Variants in CASD1 observed in about 807,000 individuals in gnomAD.
The protein encoded by CASD1 is CAS1 domain sialic acid O acetyltransferase 1.
A neutral mutation model predicts 100.0 loss-of-function variants in CASD1; 41 were observed. The observed-to-expected ratio is 0.41, with a 90% confidence interval of 0.32 to 0.53. The LOEUF is 0.53. Among genes scored for constraint, CASD1 ranks in the 20% least tolerant of loss-of-function variants. The pLI, the probability that CASD1 is intolerant of heterozygous loss-of-function variation, is 0.25. For missense variants in CASD1, 774 were observed against 948.7 expected, an observed-to-expected ratio of 0.82 and a Z score of 2.42; for synonymous variants, 321 against 315.6, an observed-to-expected ratio of 1.02 and a Z score of -0.18.
At chr7:94,520,497 A>G (rs1229731668) in intron 3 of CASD1, among the ~76,000 whole-genome samples, 1 of 152,196 alleles carries the variant, frequency 6.6e-6, no homozygotes, top group Non-Finnish European at 1.5e-5. Flanking sequence ...GGGCAGAGCT[A>G]GATATCGTAT....
At chr7:94,601,571 A>C in the CASD1 span, among the ~76,000 whole-genome samples, 2 of 151,810 alleles carry the variant, frequency 1.3e-5, no homozygotes, top group East Asian at 1.9e-4. Context: ...ATTGAAGGAC[A>C]CTAAAAATAT....
At chr7:94,554,792 C>G (rs116778277) in intron 17 of CASD1, among the ~76,000 whole-genome samples, 4 of 152,138 alleles carry the variant, frequency 2.6e-5, no homozygotes, top group African/African-American at 7.2e-5. Context: ...TTTTAAATGA[C>G]TAGATATAGA....
At chr7:94,565,502 C>T in the CASD1 span, among the ~76,000 whole-genome samples, 1 of 152,150 alleles carries the variant, frequency 6.6e-6, no homozygotes, top group African/African-American at 2.4e-5. Context: ...ACAGGACAGT[C>T]ATACAAGTGA....
At chr7:94,531,342 C>A (rs1160272016) in intron 5 of CASD1, among the ~76,000 whole-genome samples, 1 of 152,024 alleles carries the variant, frequency 6.6e-6, no homozygotes, top group African/African-American at 2.4e-5. Context: ...TCTTTACTCT[C>A]TTGTCAGAGG....
At position 94,509,994 on chromosome 7, in the gene CASD1, C is replaced by T. The variant is rs1477530756; in HGVS notation, c.-91C>T. The T allele has an allele frequency of 5.5e-6, 7 of 1,283,068 alleles. No individual in the cohort carries two copies. The Admixed American group carries it at 1.4e-4, about 26-fold the overall frequency. 79.5% of individuals were successfully genotyped at this position (1,283,068 alleles called of 1,614,324 possible). A position where few individuals can be genotyped will look rare whatever the true frequency, so the allele number is the denominator to read the frequency against. On this transcript the variant is annotated 5_prime_UTR_variant, in exon 1 of 18. Coordinates refer to ENST00000297273, the MANE Select transcript of CASD1 (RefSeq NM_022900.5). ...GCCTGGGGAGCTGGCGGCCGCTCCT[C>T]GCCTGGCTGCAGCGGCGGCAGCCCC...
At chr7:94,581,221 C>T in the CASD1 span, among the ~76,000 whole-genome samples, 2 of 152,192 alleles carry the variant, frequency 1.3e-5, no homozygotes, top group East Asian at 3.9e-4. Context: ...AACATATCGT[C>T]AAGTCTCTTC....
At chr7:94,588,539 ATTCTG>A in the CASD1 span, 6 of 1,486,478 alleles carry the variant, frequency 4.0e-6, no homozygotes, top group Non-Finnish European at 5.3e-6. Context: ...CTAAGCTATT[ATTCTG>A]AGGTTTTAAG....
intron 15 of CASD1, chr7:94,552,133 G>C (rs1795979783): frequency 6.2e-6 from 3 of 486,714 alleles, no homozygotes; most frequent in Non-Finnish European, 1.1e-5. Flanking sequence ...GAAAAGCACA[G>C]ACTTGTGCAC....
intron 10 of CASD1, among the ~76,000 whole-genome samples, chr7:94,540,983 A>G (rs919011456): frequency 2.6e-5 from 4 of 152,126 alleles, no homozygotes; most frequent in Non-Finnish European, 4.4e-5. Flanking sequence ...TTGGTATTCT[A>G]TTATAATCAT....
chr7:94,549,731 TAA>T, intron 14 of CASD1, 97 bp downstream of exon 14: 1 of 873,396 alleles, frequency 1.1e-6, no homozygotes, highest in Non-Finnish European at 1.8e-6. Flanking sequence ...TCAGAATAAA[TAA>T]AGATGTTGAT....
chr7:94,606,236 CTACTT>C, the CASD1 span, among the ~76,000 whole-genome samples: 3 of 152,220 alleles, frequency 2.0e-5, no homozygotes, highest in African/African-American at 4.8e-5. Context: ...TAAAAAATAT[CTACTT>C]TAAATAGGAA....
chr7:94,612,317 C>T, the CASD1 span, among the ~76,000 whole-genome samples: 1 of 151,966 alleles, frequency 6.6e-6, no homozygotes, highest in South Asian at 2.1e-4. Context: ...GGTATAAAAA[C>T]AAAACTCATT....
intron 15 of CASD1, 101 bp from the exon 16 acceptor site, chr7:94,552,249 T>C: frequency 1.3e-6 from 1 of 767,870 alleles, no homozygotes; most frequent in Non-Finnish European, 2.2e-6. Flanking sequence ...CATAATGAAG[T>C]ATAATGTTAT....
chr7:94,587,741 G>C, the CASD1 span: 2 of 1,533,444 alleles, frequency 1.3e-6, no homozygotes, highest in African/African-American at 2.8e-5. Context: ...TAAACATCTT[G>C]TAATTGAAAT....
At chr7:94,510,268 G>A (rs2301645) in intron 1 of CASD1, 51 bp downstream of exon 1, 2 of 1,321,062 alleles carry the variant, frequency 1.5e-6, no homozygotes, top group South Asian at 1.8e-5. Flanking sequence ...AGGCGGCGAC[G>A]CGGCGGCTGG....
At chr7:94,587,729 G>A in the CASD1 span, 1 of 1,535,622 alleles carries the variant, frequency 6.5e-7, no homozygotes, top group African/African-American at 1.4e-5. Flanking sequence ...GAAAAATTCT[G>A]ATAAACATCT....
the CASD1 span, among the ~76,000 whole-genome samples, chr7:94,583,438 A>T: frequency 6.6e-6 from 1 of 152,160 alleles, no homozygotes; most frequent in Non-Finnish European, 1.5e-5. Context: ...ACTAAGGTCA[A>T]TGTTTAAAAG....
At chr7:94,554,216 T>C (rs368884355) in intron 16 of CASD1, 4 of 227,514 alleles carry the variant, frequency 1.8e-5, no homozygotes, top group African/African-American at 9.1e-5. Context: ...AATCTGTAAT[T>C]TTTCCAGTAT....
the CASD1 span, among the ~76,000 whole-genome samples, chr7:94,586,128 T>C: frequency 2.4e-5 from 3 of 127,516 alleles, no homozygotes; most frequent in Non-Finnish European, 4.9e-5. Context: ...AAATTCCATA[T>C]AGGTAGCTAC....
Sources: gnomAD v4.1 joint callset for allele counts (sites outside exome capture counted in the v4.1 genomes callset) on GRCh38, gnomAD v4.1.1 for gene constraint, MANE v1.5 for transcripts, NCBI Gene and HGNC (gene_info 2026-07-23, HGNC 2026-07-21) for gene names.